Variants in L3MBTL4 observed in about 807,000 individuals in gnomAD.
L3MBTL4 encodes the protein lethal(3)malignant brain tumor-like protein 4.
In L3MBTL4, 70 loss-of-function variants were observed where a neutral mutation model predicts 84.5. That is an observed-to-expected ratio of 0.83 (90% CI 0.68 to 1.01). The LOEUF (loss-of-function observed/expected upper bound fraction) is 1.01. L3MBTL4 is among the 50% of genes least tolerant of loss of function. The pLI is 0.00. For missense variants in L3MBTL4, 715 were observed against 754.8 expected, an observed-to-expected ratio of 0.95 and a Z score of 0.62; for synonymous variants, 274 against 259.8, an observed-to-expected ratio of 1.05 and a Z score of -0.52.
At chr18:6,237,901 T>C in intron 10 of L3MBTL4, 63 bp downstream of exon 10, 2 of 1,258,436 alleles carry the variant, frequency 1.6e-6, no homozygotes, top group South Asian at 2.4e-5. Context: ...ATAAACAAAA[T>C]AAAAATGAGG....
At chr18:6,079,946 G>C (rs1364383572) in intron 16 of L3MBTL4, 1 of 152,160 alleles carries the variant, frequency 6.6e-6, no homozygotes, top group Non-Finnish European at 1.5e-5. Flanking sequence ...TGAGGAAAAG[G>C]CCTCGTGTGG....
At chr18:6,278,096 T>G (rs1168963145) in intron 4 of L3MBTL4, among the ~76,000 whole-genome samples, 2 of 152,168 alleles carry the variant, frequency 1.3e-5, no homozygotes, top group Admixed American at 6.5e-5. Context: ...CTCATTTAAT[T>G]TTCTTGCTTA....
intron 12 of L3MBTL4, among the ~76,000 whole-genome samples, chr18:6,207,165 G>A (rs1343951276): frequency 6.6e-6 from 1 of 152,180 alleles, no homozygotes; most frequent in Non-Finnish European, 1.5e-5. Context: ...TCATTTATTT[G>A]TTTATATATT....
chr18:6,146,171 C>T (rs9958010), intron 13 of L3MBTL4, among the ~76,000 whole-genome samples: 7,721 of 152,308 alleles, frequency 0.051, 625 homozygotes, highest in African/African-American at 0.17. Flanking sequence ...CTGGCAAGCA[C>T]TGCGTGGAGA....
intron 1 of L3MBTL4, among the ~76,000 whole-genome samples, chr18:6,391,752 A>AACAACAACAACTACTACTACTACTACT (rs1555755552): frequency 2.0e-5 from 3 of 150,006 alleles, no homozygotes; most frequent in African/African-American, 7.4e-5. Flanking sequence ...CAACAACAAC[A>AACAACAACAACTACTACTACTACTACT]ACTACTACTA....
chr18:6,252,780 G>C (rs187605608), intron 5 of L3MBTL4, among the ~76,000 whole-genome samples: 1 of 152,206 alleles, frequency 6.6e-6, no homozygotes, highest in African/African-American at 2.4e-5. Context: ...TATTAGCAGC[G>C]GTGTGGGAAA....
chr18:5,959,608 AG>A (rs2095252072), intron 18 of L3MBTL4, among the ~76,000 whole-genome samples: 1 of 152,194 alleles, frequency 6.6e-6, no homozygotes, highest in African/African-American at 2.4e-5. Context: ...AGGGATAGAT[AG>A]GAGGGTCCCA....
Position 6,247,079 on chromosome 18 carries a change from TAGAG to T in L3MBTL4, c.220-2495_220-2492del, listed in dbSNP as rs368424849. Among the ~76,000 whole-genome samples the T allele has an allele frequency of 6.6e-5, 10 of 152,316 alleles. No individual in the cohort carries two copies. In the South Asian group the frequency reaches 1.7e-3, roughly 25 times the overall value. On this transcript the variant is annotated intron_variant, in intron 5 of 18. Coordinates refer to ENST00000317931, the MANE Select transcript of L3MBTL4 (RefSeq NM_001330559.2). ...ATGTCTCTGTGAGCATATACATAGA[TAGAG>T]AAACATGTGGATATAAATTTTTTTC...
At chr18:6,058,809 A>G (rs954928182) in intron 16 of L3MBTL4, among the ~76,000 whole-genome samples, 8 of 152,204 alleles carry the variant, frequency 5.3e-5, no homozygotes, top group African/African-American at 1.7e-4. Context: ...GCCAACATGC[A>G]TGTTAATCTG....
chr18:6,168,376 C>A (rs952258797), intron 13 of L3MBTL4, among the ~76,000 whole-genome samples: 1 of 152,128 alleles, frequency 6.6e-6, no homozygotes, highest in Non-Finnish European at 1.5e-5. Context: ...CCAAGTCAAT[C>A]CTAAGCCAAA....
At chr18:6,268,918 T>C (rs2048749154) in intron 4 of L3MBTL4, among the ~76,000 whole-genome samples, 1 of 152,186 alleles carries the variant, frequency 6.6e-6, no homozygotes, top group Non-Finnish European at 1.5e-5. Flanking sequence ...AGCCCTATTT[T>C]ATTGTTCTGA....
intron 14 of L3MBTL4, among the ~76,000 whole-genome samples, chr18:6,114,160 G>A (rs1486775977): frequency 6.6e-6 from 1 of 152,168 alleles, no homozygotes; most frequent in Non-Finnish European, 1.5e-5. Context: ...GTAAAGCAGG[G>A]AGCAGCATGC....
intron 14 of L3MBTL4, among the ~76,000 whole-genome samples, chr18:6,135,003 T>G (rs780148489): frequency 6.6e-6 from 1 of 152,208 alleles, no homozygotes; most frequent in Non-Finnish European, 1.5e-5. Flanking sequence ...TGCTTGGGCA[T>G]CCAGGCATTT....
chr18:6,020,426 G>T (rs927703478), intron 16 of L3MBTL4, among the ~76,000 whole-genome samples: 1 of 152,186 alleles, frequency 6.6e-6, no homozygotes, highest in Non-Finnish European at 1.5e-5. Context: ...GGTCATGAAG[G>T]TCCCAGAAAG....
intron 14 of L3MBTL4, among the ~76,000 whole-genome samples, chr18:6,118,159 G>T (rs1246800399): frequency 7.8e-6 from 1 of 127,986 alleles, no homozygotes; most frequent in Non-Finnish European, 1.7e-5. Context: ...ATTTGAAACT[G>T]CATGCAAACT....
chr18:6,152,448 C>G (rs181550433), intron 13 of L3MBTL4, among the ~76,000 whole-genome samples: 2 of 152,120 alleles, frequency 1.3e-5, no homozygotes, highest in African/African-American at 4.8e-5. Flanking sequence ...TAGGTGATAT[C>G]TCACTGTAGT....
At chr18:6,237,465 T>C (rs1186740427) in intron 10 of L3MBTL4, among the ~76,000 whole-genome samples, 1 of 138,392 alleles carries the variant, frequency 7.2e-6, no homozygotes, top group Non-Finnish European at 1.6e-5. Context: ...TTTTTTTTTT[T>C]TTTTTTTTGA....
intron 1 of L3MBTL4, chr18:6,374,464 G>A (rs1165487805): frequency 6.5e-6 from 1 of 154,814 alleles, no homozygotes; most frequent in Non-Finnish European, 1.5e-5. Context: ...CATCCGCAAA[G>A]TCCACATTTC....
In L3MBTL4 at chr18:6,099,608, G is replaced by GA. The variant is rs1598744783; in HGVS notation, c.1200-6081_1200-6080insT. ...TAAATATATATATATATATATATAT[G>GA]GAGAGAGAGAGAGGAGATTTTCAGG... On this transcript the variant is annotated intron_variant, in intron 14 of 18. Coordinates refer to ENST00000317931, the MANE Select transcript of L3MBTL4 (RefSeq NM_001330559.2). Among the ~76,000 whole-genome samples the GA allele has an allele frequency of 6.1e-4, 21 of 34,520 alleles. 1 individual carries two copies. The highest frequency in any genetic ancestry group is 2.3e-3 in the Admixed American group (6 of 2,562). The allele number at this position is 34,520 out of a possible 152,430, so 22.6% of individuals were successfully genotyped here.
Sources: gnomAD v4.1 joint callset for allele counts (sites outside exome capture counted in the v4.1 genomes callset) on GRCh38, gnomAD v4.1.1 for gene constraint, MANE v1.5 for transcripts, NCBI Gene and HGNC (gene_info 2026-07-23, HGNC 2026-07-21) for gene names.